Variants in CCSER1 observed in about 807,000 individuals in gnomAD.
CCSER1 encodes serine-rich coiled-coil domain-containing protein 1.
CCSER1 carries 41 observed loss-of-function variants against 82.0 expected under a neutral mutation model. That is an observed-to-expected ratio of 0.50 (90% CI 0.39 to 0.65). The LOEUF (loss-of-function observed/expected upper bound fraction) is 0.65. CCSER1 is among the 30% of genes least tolerant of loss of function. The probability of loss-of-function intolerance (pLI) is 0.00; values close to 1 mark genes in which losing one functional copy is unlikely to be tolerated. For synonymous variants in CCSER1, 414 were observed against 383.9 expected, an observed-to-expected ratio of 1.08 and a Z score of -0.92; for missense variants, 1,119 against 1,064.2, an observed-to-expected ratio of 1.05 and a Z score of -0.72.
chr4:90,225,757 CTT>C (rs1156391348), intron 1 of CCSER1, among the ~76,000 whole-genome samples: 1 of 152,124 alleles, frequency 6.6e-6, no homozygotes, highest in Non-Finnish European at 1.5e-5. Context: ...ATTTTTGTCT[CTT>C]TTCATTCCCT....
chr4:90,692,146 A>G (rs1460140112), intron 6 of CCSER1, among the ~76,000 whole-genome samples: 1 of 150,930 alleles, frequency 6.6e-6, no homozygotes, highest in South Asian at 2.1e-4. Context: ...CTCATTCACA[A>G]ATCTCATTAT....
chr4:90,825,555 T>C (rs1189864164), intron 8 of CCSER1, among the ~76,000 whole-genome samples: 1 of 152,156 alleles, frequency 6.6e-6, no homozygotes, highest in Non-Finnish European at 1.5e-5. Context: ...ATGTGTTTTT[T>C]TGTGTGTAAC....
chr4:90,224,373 A>G (rs1742733924), intron 1 of CCSER1, among the ~76,000 whole-genome samples: 1 of 152,196 alleles, frequency 6.6e-6, no homozygotes, highest in Non-Finnish European at 1.5e-5. Flanking sequence ...TTGTTATAAA[A>G]CAGCAGTTGT....
intron 5 of CCSER1, among the ~76,000 whole-genome samples, chr4:90,617,447 C>T (rs544035178): frequency 1.3e-5 from 2 of 152,180 alleles, no homozygotes; most frequent in South Asian, 4.1e-4. Context: ...CACCAGCAAC[C>T]ACTGTTATCT....
At chr4:91,111,292 T>G (rs1337211270) in intron 10 of CCSER1, among the ~76,000 whole-genome samples, 1 of 152,002 alleles carries the variant, frequency 6.6e-6, no homozygotes, top group Admixed American at 6.6e-5. Context: ...CCCTTTTGAA[T>G]AAATAAGGCT....
At chr4:91,308,480 T>A (rs1309189224) in intron 10 of CCSER1, among the ~76,000 whole-genome samples, 2 of 151,996 alleles carry the variant, frequency 1.3e-5, no homozygotes, top group Admixed American at 1.3e-4. Flanking sequence ...CAAGCGGTGT[T>A]GTCTGGGCCT....
chr4:91,545,550 A>G (rs938579112), intron 10 of CCSER1, among the ~76,000 whole-genome samples: 21 of 152,284 alleles, frequency 1.4e-4, no homozygotes, highest in African/African-American at 4.8e-4. Context: ...GTGGATGCTA[A>G]TATAAATAGT....
intron 10 of CCSER1, among the ~76,000 whole-genome samples, chr4:91,394,477 T>G (rs893920069): frequency 2.4e-4 from 36 of 152,182 alleles, no homozygotes; most frequent in African/African-American, 8.2e-4. Context: ...TGAGCCAATA[T>G]CATAGACTAT....
In CCSER1 at chr4:91,506,812, C is replaced by T. The variant is rs755664124; in HGVS notation, c.2218-91760C>T. 5.3e-5 allele frequency among the ~76,000 whole-genome samples: 8 copies of T among 152,112 alleles called. No homozygotes were observed. The South Asian group carries it at 1.2e-3, about 24-fold the overall frequency. On this transcript the variant is annotated intron_variant, in intron 10 of 10. Coordinates refer to ENST00000509176, the MANE Select transcript of CCSER1 (RefSeq NM_001145065.2). The stretch of plus-strand genomic sequence containing the variant: ...CTCCTTTGCTAATCCTGTTAGCAGT[C>T]GGTCTCCCAAACCCTGGCGAATTTA...
rs1745191439 is a variant in CCSER1, at chr4:90,233,755, A to G, written c.-41-74489A>G. ...AAGAGAAAATTATTATAGAAAAAGCAGTAGAAATCATGGTGCTGTTTATTA... is the reference window on the plus strand; with the variant it reads ...AAGAGAAAATTATTATAGAAAAAGCGGTAGAAATCATGGTGCTGTTTATTA... On this transcript the variant is annotated intron_variant, in intron 1 of 10. Coordinates refer to ENST00000509176, the MANE Select transcript of CCSER1 (RefSeq NM_001145065.2). Among the ~76,000 whole-genome samples the G allele has an allele frequency of 7.2e-5, 11 of 151,826 alleles. No homozygotes were observed. In the South Asian group the frequency reaches 2.3e-3, roughly 32 times the overall value.
intron 7 of CCSER1, among the ~76,000 whole-genome samples, chr4:90,735,548 A>T (rs1745489841): frequency 6.6e-6 from 1 of 152,154 alleles, no homozygotes; most frequent in African/African-American, 2.4e-5. Context: ...TTCAGTCTTG[A>T]TAGATTTTAT....
At chr4:91,379,080 C>G (rs1173609440) in intron 10 of CCSER1, among the ~76,000 whole-genome samples, 1 of 152,188 alleles carries the variant, frequency 6.6e-6, no homozygotes, top group Non-Finnish European at 1.5e-5. Context: ...TTGAACCAGC[C>G]TTGCATCCCA....
At chr4:90,838,998 CG>C (rs1762209404) in intron 8 of CCSER1, 1 of 1,612,752 alleles carries the variant, frequency 6.2e-7, no homozygotes, top group Non-Finnish European at 8.5e-7. Flanking sequence ...TTCGGCTTAT[CG>C]AATTTCTCGA....
At position 90,604,975 on chromosome 4, in the gene CCSER1, A is replaced by T. The variant is rs186170630; in HGVS notation, c.1725-23050A>T. On this transcript the variant is annotated intron_variant, in intron 5 of 10. Coordinates refer to ENST00000509176, the MANE Select transcript of CCSER1 (RefSeq NM_001145065.2). ...TAAGGGAATAAAAGCAGGCTGCCCC[A>T]GCCAGCAGCGGCAACTGAGTGAGCT... Among the ~76,000 whole-genome samples the T allele has an allele frequency of 2.5e-3, 374 of 151,260 alleles. 3 individuals carry two copies. Among genetic ancestry groups the T allele is most frequent in the Middle Eastern group, 6.8e-3 (2 of 294 alleles).
chr4:90,605,925 CAT>C (rs902549197), intron 5 of CCSER1, among the ~76,000 whole-genome samples: 13 of 151,976 alleles, frequency 8.6e-5, no homozygotes, highest in African/African-American at 2.4e-4. Context: ...ATGACAATAA[CAT>C]ATGCCAAATC....
intron 1 of CCSER1, among the ~76,000 whole-genome samples, chr4:90,287,595 A>T (rs1730134865): frequency 6.6e-6 from 1 of 151,948 alleles, no homozygotes; most frequent in Admixed American, 6.6e-5. Flanking sequence ...AACATGTTTC[A>T]TTCAACATAA....
At chr4:91,226,203 A>G (rs897319703) in intron 10 of CCSER1, among the ~76,000 whole-genome samples, 16 of 151,934 alleles carry the variant, frequency 1.1e-4, no homozygotes, top group African/African-American at 3.9e-4. Context: ...AATGAAAGAT[A>G]TATTAAAGAA....
rs189643139 is a variant in CCSER1 at position 91,373,811 on chromosome 4, A to G, written c.2218-224761A>G. ...AGGTTTCTTGCACCAGCAATTAGCC[A>G]CGTTGTGAATCAAAGGAAACGTTCT... On this transcript the variant is annotated intron_variant, in intron 10 of 10. Transcript: ENST00000509176. 1.8e-3 allele frequency among the ~76,000 whole-genome samples: 268 copies of G among 152,318 alleles called. 5 individuals are homozygous for G. The highest frequency in any genetic ancestry group is 2.8e-3 in the Non-Finnish European group (193 of 68,018).
chr4:91,522,858 C>G (rs1270782502), intron 10 of CCSER1, among the ~76,000 whole-genome samples: 1 of 152,064 alleles, frequency 6.6e-6, no homozygotes, highest in Non-Finnish European at 1.5e-5. Context: ...AGTTGAATAC[C>G]TTTTATTTCT....
Sources: gnomAD v4.1 joint callset for allele counts (sites outside exome capture counted in the v4.1 genomes callset) on GRCh38, gnomAD v4.1.1 for gene constraint, MANE v1.5 for transcripts, NCBI Gene and HGNC (gene_info 2026-07-23, HGNC 2026-07-21) for gene names.